Variants in POM121 observed in about 807,000 individuals in gnomAD.
POM121 encodes the protein nuclear envelope pore membrane protein POM 121.
In POM121, 32 loss-of-function variants were observed where a neutral mutation model predicts 81.3. The observed-to-expected ratio is 0.39, with a 90% confidence interval of 0.30 to 0.53. The LOEUF (loss-of-function observed/expected upper bound fraction) is 0.53. POM121 is among the 20% of genes least tolerant of loss of function. POM121 has a pLI of 0.66. For missense variants in POM121, 1,138 were observed against 1,614.6 expected (o/e 0.70, Z 5.06); for synonymous variants, 514 against 694.2 (o/e 0.74, Z 4.08).
At chr7:72,906,793 T>C (rs1793282709) in intron 3 of POM121, among the ~76,000 whole-genome samples, 1 of 149,882 alleles carries the variant, frequency 6.7e-6, no homozygotes. Context: ...TGGCTAATCT[T>C]TTTTTTTTTC....
rs782725764 is a variant in POM121 at position 72,945,655 on chromosome 7, C to T, written c.3599C>T (p.Ser1200Phe). 30 of 1,612,986 alleles carry T rather than the reference C, an allele frequency of 1.9e-5. No individual in the cohort carries two copies. Among genetic ancestry groups the T allele is most frequent in the Middle Eastern group, 3.3e-4 (2 of 6,010 alleles). The change falls in exon 12 of 13, where the codon TCC becomes TTC. Residue 1200 changes from serine to phenylalanine, a missense_variant. Around this residue, in one of 7 missense-constraint regions of POM121, gnomAD observed 336 missense variants for 344.3 expected, o/e 0.98. Transcript: ENST00000434423. ...PGVGTSGSSLSFGASSAPAQG... is the reference protein window; with the variant it reads ...PGVGTSGSSLFFGASSAPAQG... The stretch of plus-strand genomic sequence containing the variant: ...GTGGGCACATCAGGCAGCAGCCTCT[C>T]CTTTGGGGCATCCTCAGCACCCGCC...
At chr7:72,913,929 A>G (rs1554494707) in intron 4 of POM121, 2 of 152,178 alleles carry the variant, frequency 1.3e-5, no homozygotes, top group Non-Finnish European at 2.9e-5. Flanking sequence ...CACTCCTCTC[A>G]TAACATGACC....
intron 5 of POM121, among the ~76,000 whole-genome samples, chr7:72,930,820 T>C (rs1441330727): frequency 6.6e-6 from 1 of 152,078 alleles, no homozygotes; most frequent in Non-Finnish European, 1.5e-5. Flanking sequence ...AGAGCAAGAC[T>C]GTGTCTCAAA....
At chr7:72,919,588 C>A (rs1554495616) in intron 4 of POM121, among the ~76,000 whole-genome samples, 1 of 151,898 alleles carries the variant, frequency 6.6e-6, no homozygotes, top group Non-Finnish European at 1.5e-5. Context: ...CTCAAGCAAA[C>A]CTCCCAGGCT....
At chr7:72,891,649 C>T (rs1219962887) in intron 3 of POM121, among the ~76,000 whole-genome samples, 5 of 152,148 alleles carry the variant, frequency 3.3e-5, no homozygotes, top group South Asian at 2.1e-4. Context: ...TCAAGTGATC[C>T]GCCCACCTCA....
chr7:72,897,683 A>G (rs1792101990), intron 3 of POM121, among the ~76,000 whole-genome samples: 2 of 152,158 alleles, frequency 1.3e-5, no homozygotes, highest in Admixed American at 1.3e-4. Flanking sequence ...TATGGATGAG[A>G]GAGGCAGCTG....
chr7:72,945,621 G>A lies in POM121; in HGVS notation c.3565G>A (p.Ala1189Thr). The change falls in exon 12 of 13, where the codon GCG becomes ACG. Residue 1189 changes from alanine (A) to threonine (T), a missense_variant. Ala to Thr is a moderately conservative substitution (Grantham distance 58). This residue lies in a region of POM121 where 336 missense variants were observed against 344.3 expected (regional missense o/e 0.98). Coordinates refer to ENST00000434423, the MANE Select transcript of POM121 (RefSeq NM_001387691.1). ...ATPTFGLNTPAPGVGTSGSSL... is the reference protein window; with the variant it reads ...ATPTFGLNTPTPGVGTSGSSL... ...CCCCACCTTTGGTCTGAACACCCCT[G>A]CGCCTGGAGTGGGCACATCAGGCAG... The A allele has an allele frequency of 6.2e-7, 1 of 1,613,512 alleles. No individual in the cohort carries two copies. Among genetic ancestry groups the A allele is most frequent in the Non-Finnish European group, 8.5e-7 (1 of 1,179,682 alleles).
At chr7:72,898,749 G>C (rs1184376275) in intron 3 of POM121, among the ~76,000 whole-genome samples, 2 of 140,308 alleles carry the variant, frequency 1.4e-5, no homozygotes, top group East Asian at 4.4e-4. Flanking sequence ...AGTGAGCCGA[G>C]ATTGCACCAC....
upstream of POM121, chr7:72,924,829 A>G (rs770873883): frequency 1.0e-4 from 40 of 394,914 alleles, no homozygotes; most frequent in Non-Finnish European, 1.7e-4. Flanking sequence ...ATAAAAGATC[A>G]CGGATTAGGA....
chr7:72,933,251 G>A (rs1796197034), intron 5 of POM121, among the ~76,000 whole-genome samples: 1 of 152,138 alleles, frequency 6.6e-6, no homozygotes, highest in Admixed American at 6.5e-5. Context: ...TTACTTGGGA[G>A]GCTGAGGCAG....
intron 6 of POM121, 93 bp downstream of exon 6, chr7:72,938,774 T>G: frequency 7.2e-7 from 1 of 1,397,130 alleles, no homozygotes; most frequent in Non-Finnish European, 1.0e-6. Context: ...GGCTTTGTGC[T>G]GCTGTGACTT....
chr7:72,930,537 A>G (rs1795911632), intron 5 of POM121, among the ~76,000 whole-genome samples: 1 of 152,232 alleles, frequency 6.6e-6, no homozygotes, highest in African/African-American at 2.4e-5. Flanking sequence ...CGAAAGGTAG[A>G]CTGAGTCCAG....
At position 72,943,978 on chromosome 7, in the gene POM121, T is replaced by G. The variant is rs576927739; in HGVS notation, c.3529+456T>G. Among the ~76,000 whole-genome samples, 775 of 151,852 alleles carry G rather than the reference T, an allele frequency of 5.1e-3. 4 individuals are homozygous for G. Among genetic ancestry groups the G allele is most frequent in the Admixed American group, 5.2e-3 (80 of 15,252 alleles). On this transcript the variant is annotated intron_variant, in intron 11 of 12. Coordinates refer to ENST00000434423, the MANE Select transcript of POM121 (RefSeq NM_001387691.1). The stretch of plus-strand genomic sequence containing the variant: ...TGGTTTGAACCCAGGAGTTGGAGGT[T>G]GCAGTGAGCCAAGATCATGCCACTG...
downstream of POM121, chr7:72,950,174 T>C (rs1554504535): frequency 6.2e-7 from 1 of 1,608,642 alleles, no homozygotes; most frequent in South Asian, 1.1e-5. Flanking sequence ...TGCTTCCCCT[T>C]GAGGGCTCGT....
downstream of POM121, chr7:72,950,104 T>C: frequency 1.3e-6 from 2 of 1,594,496 alleles, no homozygotes; most frequent in Non-Finnish European, 1.7e-6. Context: ...TGGGTGTTCA[T>C]GCAGATCTGT....
At chr7:72,929,164 A>C (rs1317056068) in intron 4 of POM121, among the ~76,000 whole-genome samples, 5 of 152,174 alleles carry the variant, frequency 3.3e-5, no homozygotes, top group African/African-American at 1.2e-4. Context: ...GGAGGTATGG[A>C]AGTATTAGCC....
intron 3 of POM121, among the ~76,000 whole-genome samples, chr7:72,907,057 C>A (rs1425607674): frequency 2.6e-5 from 4 of 151,440 alleles, no homozygotes; most frequent in Non-Finnish European, 5.9e-5. Flanking sequence ...TTTTTTATAC[C>A]TGTTTGCCTT....
At chr7:72,949,642 A>G, downstream of POM121, 2 of 653,740 alleles carry the variant, frequency 3.1e-6, no homozygotes. Context: ...GGTCAGAGGT[A>G]ACTGGCCTGG....
intron 5 of POM121, among the ~76,000 whole-genome samples, chr7:72,932,598 A>G (rs1554498800): frequency 1.3e-5 from 2 of 152,216 alleles, no homozygotes; most frequent in Non-Finnish European, 2.9e-5. Flanking sequence ...GTCAAAGGTT[A>G]AATGCGCATG....
Sources: gnomAD v4.1 joint callset for allele counts (sites outside exome capture counted in the v4.1 genomes callset) on GRCh38, gnomAD v4.1.1 for gene constraint, gnomAD v4.1.1 regional missense constraint, MANE v1.5 for transcripts, NCBI Gene and HGNC (gene_info 2026-07-23, HGNC 2026-07-21) for gene names.